The following DBF4B variants were observed in gnomAD, a reference collection of about 807,000 sequenced individuals.
The protein encoded by DBF4B is protein DBF4 homolog B.
DBF4B carries 49 observed loss-of-function variants against 53.4 expected under a neutral mutation model. The ratio of observed to expected loss-of-function variants is 0.92; its 90% CI spans 0.73 to 1.16. The LOEUF (loss-of-function observed/expected upper bound fraction) is 1.16, where lower values mean the gene tolerates loss of function less well. DBF4B is among the 50% of genes most tolerant of loss of function. The pLI, the probability that DBF4B is intolerant of heterozygous loss-of-function variation, is 0.00. For missense variants in DBF4B, 692 were observed against 775.0 expected (o/e 0.89, Z 1.27); for synonymous variants, 257 against 288.7 (o/e 0.89, Z 1.11).
intron 2 of DBF4B, among the ~76,000 whole-genome samples, chr17:44,715,249 G>A (rs1973224228): frequency 6.6e-6 from 1 of 152,066 alleles, no homozygotes; most frequent in African/African-American, 2.4e-5. Flanking sequence ...TGCCCAGGCT[G>A]GAATGCAATG....
At chr17:44,743,267 G>C (rs1324103383) in intron 10 of DBF4B, among the ~76,000 whole-genome samples, 1 of 152,152 alleles carries the variant, frequency 6.6e-6, no homozygotes, top group African/African-American at 2.4e-5. Flanking sequence ...AGTTGGCCCT[G>C]GTGGGACATC....
chr17:44,751,296 G>T lies in DBF4B; in HGVS notation c.*43G>T, dbSNP rs756609242. The T allele has an allele frequency of 1.3e-6, 2 of 1,579,414 alleles. No individual in the cohort carries two copies. The highest frequency in any genetic ancestry group is 1.7e-6 in the Non-Finnish European group (2 of 1,163,188). ...CTGAGACTTGACCCAGGATGGATGGGTGCTGCTTGATGTGAATGAGGTCCC... is the reference window on the plus strand; with the variant it reads ...CTGAGACTTGACCCAGGATGGATGGTTGCTGCTTGATGTGAATGAGGTCCC... On this transcript the variant is annotated 3_prime_UTR_variant, in exon 14 of 14. Coordinates refer to ENST00000315005, the MANE Select transcript of DBF4B (RefSeq NM_145663.3).
intron 2 of DBF4B, chr17:44,718,856 G>C (rs1317283679): frequency 6.6e-6 from 1 of 151,658 alleles, no homozygotes; most frequent in Non-Finnish European, 1.5e-5. Flanking sequence ...CCAGCTACTC[G>C]AGGCTCAGGC....
At chr17:44,743,251 G>A (rs1976257027) in intron 10 of DBF4B, among the ~76,000 whole-genome samples, 2 of 152,226 alleles carry the variant, frequency 1.3e-5, no homozygotes, top group Non-Finnish European at 2.9e-5. Flanking sequence ...AGGCGCCTAG[G>A]CAGGGAGTTG....
chr17:44,712,743 T>C (rs1598754081), intron 2 of DBF4B, among the ~76,000 whole-genome samples: 1 of 149,868 alleles, frequency 6.7e-6, no homozygotes, highest in East Asian at 2.0e-4. Flanking sequence ...CCGGCCTGTC[T>C]TCTTTTTTTT....
At chr17:44,726,288 C>T (rs1974319391) in intron 3 of DBF4B, among the ~76,000 whole-genome samples, 2 of 53,628 alleles carry the variant, frequency 3.7e-5, no homozygotes, top group Admixed American at 3.7e-4. Context: ...CGCACCCGGC[C>T]CTTTTTTATT....
At chr17:44,720,203 TG>T in intron 2 of DBF4B, 1 of 364,028 alleles carries the variant, frequency 2.7e-6, no homozygotes, top group Non-Finnish European at 5.3e-6. Flanking sequence ...ACATGCTGAC[TG>T]AAGGGTTTCT....
intron 5 of DBF4B, 120 bp downstream of exon 5, chr17:44,731,135 T>C: frequency 9.0e-7 from 1 of 1,114,810 alleles, no homozygotes; most frequent in African/African-American, 1.5e-5. Flanking sequence ...TATGTAGTAT[T>C]GTCATTATTT....
At chr17:44,746,970 T>G in intron 10 of DBF4B, 113 bp from the exon 11 acceptor site, 1 of 932,978 alleles carries the variant, frequency 1.1e-6, no homozygotes, top group Admixed American at 1.8e-5. Flanking sequence ...GCACAGCCCC[T>G]TGGCCATCTT....
In DBF4B at chr17:44,750,851, C is replaced by A. The variant is rs1275791392; in HGVS notation, c.1446C>A (p.Ser482=). ...DMPLHPSQEN[S]FAPADIPVKG... ...CCCTCCATCCCTCCCAAGAAAACTC[C>A]TTTGCCCCGGCGGACATTCCTGTTA... The change falls in exon 14 of 14, where the codon TCC becomes TCA. Residue 482 remains serine, a synonymous_variant. Transcript: ENST00000315005. The A allele has an allele frequency of 6.2e-7, 1 of 1,614,108 alleles. No individual in the cohort carries two copies. Among genetic ancestry groups the A allele is most frequent in the Non-Finnish European group, 8.5e-7 (1 of 1,180,048 alleles).
intron 3 of DBF4B, among the ~76,000 whole-genome samples, chr17:44,723,664 C>T (rs565861128): frequency 1.8e-4 from 28 of 151,656 alleles, no homozygotes; most frequent in Non-Finnish European, 3.4e-4. Flanking sequence ...GAGGCTAAGG[C>T]AGGAGGATTG....
chr17:44,744,347 G>A (rs1976397667), intron 10 of DBF4B, among the ~76,000 whole-genome samples: 1 of 151,902 alleles, frequency 6.6e-6, no homozygotes, highest in Non-Finnish European at 1.5e-5. Flanking sequence ...GGGAAGCAGA[G>A]GTTGCAGTGA....
At chr17:44,711,719 C>G (rs1157498570) in intron 2 of DBF4B, among the ~76,000 whole-genome samples, 2 of 152,088 alleles carry the variant, frequency 1.3e-5, no homozygotes, top group Admixed American at 1.3e-4. Flanking sequence ...GAGGCCGAGG[C>G]AGGGGGATCA....
At chr17:44,720,145 G>T (rs978813872) in intron 2 of DBF4B, 13 of 319,182 alleles carry the variant, frequency 4.1e-5, no homozygotes, top group African/African-American at 2.7e-4. Flanking sequence ...GCGCCCAGTG[G>T]TGATGATCAG....
At chr17:44,717,668 C>T (rs1173160869) in intron 2 of DBF4B, among the ~76,000 whole-genome samples, 2 of 147,106 alleles carry the variant, frequency 1.4e-5, no homozygotes, top group Admixed American at 1.4e-4. Context: ...GAGATCGTGC[C>T]ACTGCACTCT....
chr17:44,713,375 G>T (rs938381797), intron 2 of DBF4B, among the ~76,000 whole-genome samples: 1 of 150,860 alleles, frequency 6.6e-6, no homozygotes, highest in Non-Finnish European at 1.5e-5. Flanking sequence ...TTATTCGGCC[G>T]GGCGCGGTGG....
intron 2 of DBF4B, among the ~76,000 whole-genome samples, chr17:44,712,735 G>T (rs143245785): frequency 1.3e-5 from 2 of 149,992 alleles, no homozygotes; most frequent in African/African-American, 2.4e-5. Context: ...CACCACACCC[G>T]GCCTGTCTTC....
rs2049269113 is a variant in DBF4B, at chr17:44,751,035, C to A, written c.1630C>A (p.Leu544Ile). Residue 544 changes from leucine (L) to isoleucine (I), a missense_variant, in exon 14 of 14, where the codon CTT becomes ATT. By Grantham distance (5) the Leu-to-Ile change is conservative. Transcript: ENST00000315005. ...TTGCCCCTGTCTCAGACTTGGATAC[C>A]TTTACCTGCTGCTCACACAAAGCCT... is the stretch of plus-strand genomic sequence containing the variant. ...SPCPCLRLGY[L>I]YLLLTQSLWC... is the part of the protein sequence containing the mutation. 3.7e-6 allele frequency: 6 copies of A among 1,614,120 alleles called. 1 individual carries two copies. The highest frequency in any genetic ancestry group is 2.2e-5 in the South Asian group (2 of 91,084).
intron 7 of DBF4B, among the ~76,000 whole-genome samples, 198 bp downstream of exon 7, chr17:44,734,361 C>G (rs377512575): frequency 3.9e-5 from 6 of 152,358 alleles, no homozygotes; most frequent in Admixed American, 6.5e-5. Flanking sequence ...CTCTGTGGCA[C>G]TTGCAGTCCT....
Sources: allele counts gnomAD v4.1 joint callset (sites outside exome capture counted in the v4.1 genomes callset), GRCh38; gene constraint gnomAD v4.1.1; transcripts MANE v1.5; gene names NCBI Gene and HGNC (gene_info 2026-07-23, HGNC 2026-07-21).